Variants in GPHN observed in about 807,000 individuals in gnomAD.
GPHN encodes gephyrin.
A neutral mutation model predicts 95.5 loss-of-function variants in GPHN; 17 were observed. The observed-to-expected ratio is 0.18, with a 90% CI of 0.12 to 0.27. GPHN has a LOEUF of 0.27. Ranked by LOEUF, GPHN falls within the 10% of genes least tolerant of loss-of-function variation. The pLI, the probability that GPHN is intolerant of heterozygous loss-of-function variation, is 1.00. For synonymous variants in GPHN, 320 were observed against 322.5 expected (o/e 0.99, Z 0.08); for missense variants, 660 against 978.1 (o/e 0.67, Z 4.34).
chr14:67,132,547 A>G (rs1477814275), intron 17 of GPHN, among the ~76,000 whole-genome samples: 1 of 151,874 alleles, frequency 6.6e-6, no homozygotes, highest in Non-Finnish European at 1.5e-5. Flanking sequence ...CTCATTTTCT[A>G]TTGGTTAACA....
chr14:67,647,411 T>C, the GPHN span: 5 of 167,258 alleles, frequency 3.0e-5, 1 homozygote, highest in Admixed American at 2.5e-4. Flanking sequence ...AATCAAATGG[T>C]AATTTTAAGA....
At chr14:67,457,676 G>A in the GPHN span, among the ~76,000 whole-genome samples, 28 of 152,290 alleles carry the variant, frequency 1.8e-4, no homozygotes, top group African/African-American at 5.8e-4. Context: ...CGGTTGTCAC[G>A]GCCCCCCAGC....
chr14:67,499,853 A>AAG, the GPHN span, among the ~76,000 whole-genome samples: 1 of 152,126 alleles, frequency 6.6e-6, no homozygotes, highest in Non-Finnish European at 1.5e-5. Flanking sequence ...TTAAAAAAAA[A>AAG]AAGTTATGCC....
the GPHN span, chr14:67,589,458 G>A: frequency 1.0e-6 from 1 of 985,174 alleles, no homozygotes; most frequent in African/African-American, 1.7e-5. Flanking sequence ...TAACAGAAAA[G>A]TATTAATGTG....
In GPHN at chr14:67,168,981, C is replaced by A; in HGVS notation, c.2024C>A (p.Ala675Glu). The change falls in exon 21 of 23, where the codon GCA (alanine) becomes GAA (glutamate). Residue 675 changes from alanine (A) to glutamate (E), a missense_variant. By Grantham distance (107) the Ala-to-Glu change is moderately radical (BLOSUM62 -1). Transcript: ENST00000478722. ...ACCTGCAATCTCTTTGTTGTGCCTGCACTGAGGAAAATGCAGGGCATCTTG... is the reference window on the plus strand; with the variant it reads ...ACCTGCAATCTCTTTGTTGTGCCTGAACTGAGGAAAATGCAGGGCATCTTG... ...VVTCNLFVVP[A>E]LRKMQGILDP... 1 of 1,613,662 alleles carries A rather than the reference C, an allele frequency of 6.2e-7. No individual in the cohort carries two copies. The highest frequency in any genetic ancestry group is 8.5e-7 in the Non-Finnish European group (1 of 1,179,628).
the GPHN span, among the ~76,000 whole-genome samples, chr14:67,210,893 AC>A: frequency 6.6e-6 from 1 of 152,052 alleles, no homozygotes; most frequent in Non-Finnish European, 1.5e-5. Flanking sequence ...AGTCCCAGCT[AC>A]TCAGGAGGCT....
chr14:67,055,393 A>G (rs1007724153), intron 10 of GPHN, among the ~76,000 whole-genome samples: 1 of 152,220 alleles, frequency 6.6e-6, no homozygotes, highest in Non-Finnish European at 1.5e-5. Context: ...CAGAATGGCA[A>G]TTATTAAAAA....
At chr14:67,131,798 A>T (rs1356098306) in intron 17 of GPHN, among the ~76,000 whole-genome samples, 1 of 152,146 alleles carries the variant, frequency 6.6e-6, no homozygotes, top group Non-Finnish European at 1.5e-5. Flanking sequence ...ACTTGGGGAA[A>T]TTTTTTTAAA....
At chr14:66,773,245 A>G (rs543747278) in intron 2 of GPHN, among the ~76,000 whole-genome samples, 1 of 152,218 alleles carries the variant, frequency 6.6e-6, no homozygotes, top group Admixed American at 6.5e-5. Context: ...AAGGCTGATA[A>G]CATGGGGATA....
intron 1 of GPHN, among the ~76,000 whole-genome samples, chr14:66,538,540 G>C (rs1040921504): frequency 6.6e-6 from 1 of 151,514 alleles, no homozygotes; most frequent in Non-Finnish European, 1.5e-5. Context: ...GTGCCAGGTT[G>C]AATAACCTAT....
chr14:67,645,565 T>G, the GPHN span: 1 of 1,514,294 alleles, frequency 6.6e-7, no homozygotes, highest in Non-Finnish European at 9.0e-7. Context: ...AGAGTATAAG[T>G]TGTTTTGGCT....
At chr14:67,572,278 G>A in the GPHN span, 1 of 1,594,724 alleles carries the variant, frequency 6.3e-7, no homozygotes, top group South Asian at 1.1e-5. Context: ...CCTGGGCGGG[G>A]TGAGCCGGGA....
intron 3 of GPHN, among the ~76,000 whole-genome samples, chr14:66,809,474 T>C (rs1003373760): frequency 1.3e-5 from 2 of 152,156 alleles, no homozygotes; most frequent in African/African-American, 4.8e-5. Context: ...ATGATTCAAA[T>C]AGACTTCAGA....
chr14:66,954,860 G>T (rs1046747632), intron 8 of GPHN, among the ~76,000 whole-genome samples: 4 of 152,170 alleles, frequency 2.6e-5, no homozygotes, highest in African/African-American at 9.7e-5. Context: ...CATTAACGGA[G>T]ATGATCATTT....
the GPHN span, among the ~76,000 whole-genome samples, chr14:67,399,635 A>G: frequency 0.076 from 9,505 of 125,006 alleles, 675 homozygotes; most frequent in East Asian, 0.28. Flanking sequence ...AGAGAAGGGT[A>G]GTTTAGGTGG....
chr14:66,747,403 A>G (rs2153445536), intron 2 of GPHN, among the ~76,000 whole-genome samples: 1 of 152,262 alleles, frequency 6.6e-6, no homozygotes, highest in Non-Finnish European at 1.5e-5. Context: ...TATCTTTGAC[A>G]TGAGATAAAG....
At chr14:66,858,098 A>G (rs924964879) in intron 4 of GPHN, among the ~76,000 whole-genome samples, 3 of 152,162 alleles carry the variant, frequency 2.0e-5, no homozygotes, top group Admixed American at 2.0e-4. Flanking sequence ...CTGCGCTCCA[A>G]GAACTACAAT....
At chr14:67,729,855 A>T in the GPHN span, 4 of 457,502 alleles carry the variant, frequency 8.7e-6, no homozygotes, top group Non-Finnish European at 1.8e-5. Flanking sequence ...TTAGTGCTGA[A>T]TCTTATCATG....
intron 1 of GPHN, among the ~76,000 whole-genome samples, chr14:66,554,460 T>A (rs1019780715): frequency 6.6e-6 from 1 of 152,164 alleles, no homozygotes; most frequent in African/African-American, 2.4e-5. Flanking sequence ...TCAGGAAACT[T>A]ATAATCGTGG....
Sources: gnomAD v4.1 joint callset for allele counts (sites outside exome capture counted in the v4.1 genomes callset) on GRCh38, gnomAD v4.1.1 for gene constraint, MANE v1.5 for transcripts, NCBI Gene and HGNC (gene_info 2026-07-23, HGNC 2026-07-21) for gene names.